Variants in SSBP1 observed in about 807,000 individuals in gnomAD.
SSBP1 encodes the protein single-stranded DNA-binding protein, mitochondrial.
Under a neutral mutation model 27.0 loss-of-function variants are expected in SSBP1, and 20 were observed. The ratio of observed to expected loss-of-function variants is 0.74; its 90% confidence interval spans 0.52 to 1.08. The LOEUF is 1.08. Ranked by LOEUF, SSBP1 falls within the 50% of genes least tolerant of loss-of-function variation. SSBP1 has a pLI of 0.00. For synonymous variants in SSBP1, 59 were observed against 59.3 expected (o/e 1.00, Z 0.02); for missense variants, 137 against 182.4 (o/e 0.75, Z 1.44).
chr7:141,745,517 G>A lies in SSBP1; in HGVS notation c.336G>A (p.Gly112=). Residue 112 remains glycine (G), a synonymous_variant, in exon 6 of 7, where the codon GGG becomes GGA. Coordinates refer to ENST00000265304, the MANE Select transcript of SSBP1 (RefSeq NM_003143.3). The stretch of plus-strand genomic sequence containing the variant: ...TCAGGTCTCGAATTTATTTGGAAGG[G>A]AAAATAGACTATGGTGAATACATGG... The part of the protein sequence containing the change: ...VKKGSRIYLE[G]KIDYGEYMDK... The A allele has an allele frequency of 6.2e-7, 1 of 1,602,934 alleles. No individual in the cohort carries two copies. The highest frequency in any genetic ancestry group is 8.5e-7 in the Non-Finnish European group (1 of 1,174,942).
chr7:141,744,139 C>A, intron 5 of SSBP1, 150 bp downstream of exon 5: 1 of 648,138 alleles, frequency 1.5e-6, no homozygotes. Context: ...GTCCTTGATA[C>A]TATATGCATG....
At chr7:141,749,626 A>G (rs1799896344) in intron 6 of SSBP1, among the ~76,000 whole-genome samples, 1 of 152,128 alleles carries the variant, frequency 6.6e-6, no homozygotes, top group Admixed American at 6.5e-5. Flanking sequence ...TATTAAAAAT[A>G]CAAAAGTTAG....
intron 6 of SSBP1, among the ~76,000 whole-genome samples, chr7:141,747,623 C>T (rs556332005): frequency 4.6e-5 from 7 of 151,602 alleles, no homozygotes; most frequent in Non-Finnish European, 1.0e-4. Context: ...CTCCTGACCT[C>T]GTGATCTGCC....
At chr7:141,740,042 C>T (rs923641951) in intron 2 of SSBP1, 5 of 152,096 alleles carry the variant, frequency 3.3e-5, no homozygotes, top group Non-Finnish European at 5.9e-5. Flanking sequence ...TAATCTTCTC[C>T]AGTAGATTTT....
chr7:141,746,467 C>T (rs1299840794), intron 6 of SSBP1: 1 of 152,332 alleles, frequency 6.6e-6, no homozygotes, highest in East Asian at 1.9e-4. Flanking sequence ...TCAGCCTTCT[C>T]CCAAGTAGCT....
chr7:141,749,686 G>A (rs1799898279), intron 6 of SSBP1, among the ~76,000 whole-genome samples: 10 of 152,164 alleles, frequency 6.6e-5, no homozygotes. Context: ...AGAGGCTGAG[G>A]CAGGAGAATC....
At position 141,750,312 on chromosome 7, in the gene SSBP1, T is replaced by C; in HGVS notation, c.405T>C (p.Asp135=). Residue 135 remains aspartate (D), a splice_region_variant and synonymous_variant, in exon 7 of 7, where the codon GAT becomes GAC. Coordinates refer to ENST00000265304, the MANE Select transcript of SSBP1 (RefSeq NM_003143.3). ...ATTTACATTTTGGCTTTTTTACAGA[T>C]AATATTATATTTCTGAGTGACCAGA... is the stretch of plus-strand genomic sequence containing the variant. ...VRRQATTIIA[D]NIIFLSDQTK... 1 of 1,591,794 alleles carries C rather than the reference T, an allele frequency of 6.3e-7. No individual in the cohort carries two copies. Among genetic ancestry groups the C allele is most frequent in the Non-Finnish European group, 8.5e-7 (1 of 1,172,042 alleles).
At chr7:141,740,913 C>T (rs1799502828) in intron 2 of SSBP1, 1 of 152,122 alleles carries the variant, frequency 6.6e-6, no homozygotes, top group Non-Finnish European at 1.5e-5. Context: ...TATTAGGTAT[C>T]CTAATTCCTT....
chr7:141,747,717 G>T (rs1799835112), intron 6 of SSBP1, among the ~76,000 whole-genome samples: 1 of 150,774 alleles, frequency 6.6e-6, no homozygotes, highest in Non-Finnish European at 1.5e-5. Flanking sequence ...TTGATTTTTG[G>T]GCTGGATGCA....
chr7:141,743,794 C>A, intron 4 of SSBP1, 93 bp downstream of exon 4: 1 of 1,537,782 alleles, frequency 6.5e-7, no homozygotes. Flanking sequence ...CCACTTTAAA[C>A]AAGATCTGTC....
intron 2 of SSBP1, chr7:141,739,497 C>CA (rs1038799783): frequency 1.8e-4 from 48 of 272,210 alleles, no homozygotes; most frequent in African/African-American, 8.5e-4. Flanking sequence ...CTGTAGGAAT[C>CA]ATTGTTCCAA....
chr7:141,738,888 T>C (rs564381841), intron 1 of SSBP1: 89 of 356,314 alleles, frequency 2.5e-4, no homozygotes, highest in Admixed American at 1.3e-3. Flanking sequence ...AGAATCAAAA[T>C]TTTGTCGATG....
chr7:141,739,296 C>A lies in SSBP1; in HGVS notation c.24+106C>A, dbSNP rs772557621. On this transcript the variant is annotated intron_variant, in intron 2 of 6. Coordinates refer to ENST00000265304, the MANE Select transcript of SSBP1 (RefSeq NM_003143.3). ...CAGGGGCAAAAGACCTTTGAGCTCA[C>A]CCACCCACCTCTATACTCATTTGAT... The A allele has an allele frequency of 4.8e-4, 401 of 836,564 alleles. 1 individual carries two copies. Among genetic ancestry groups the A allele is most frequent in the Non-Finnish European group, 6.7e-4 (372 of 556,568 alleles). The allele number at this position is 836,564 out of a possible 1,614,324, so 51.8% of individuals were successfully genotyped here.
At chr7:141,742,830 C>T (rs1799595471) in intron 3 of SSBP1, among the ~76,000 whole-genome samples, 1 of 152,178 alleles carries the variant, frequency 6.6e-6, no homozygotes, top group South Asian at 2.1e-4. Context: ...AGCATTTCTT[C>T]TGGACATTTC....
Position 141,750,375 on chromosome 7 carries a change from C to T in SSBP1, c.*21C>T. On this transcript the variant is annotated 3_prime_UTR_variant, in exon 7 of 7. Transcript: ENST00000265304. Reference sequence around the variant, plus strand: ...AGTAGAAAGGATGATTCTTCTTTGGCCATCATTTGGTACAGTCTCATTTCC... The same window carrying T: ...AGTAGAAAGGATGATTCTTCTTTGGTCATCATTTGGTACAGTCTCATTTCC... 1.9e-6 allele frequency: 3 copies of T among 1,586,846 alleles called. No homozygotes were observed. Among genetic ancestry groups the T allele is most frequent in the East Asian group, 2.3e-5 (1 of 44,042 alleles).
At chr7:141,744,673 A>T (rs569967466) in intron 5 of SSBP1, among the ~76,000 whole-genome samples, 1 of 152,348 alleles carries the variant, frequency 6.6e-6, no homozygotes, top group African/African-American at 2.4e-5. Flanking sequence ...TCTTTTCAAT[A>T]ACTGTATAGC....
In SSBP1 at chr7:141,743,619, G is replaced by A. The variant is rs748455345; in HGVS notation, c.144G>A (p.Val48=). The A allele has an allele frequency of 5.0e-6, 8 of 1,614,150 alleles. No individual in the cohort carries two copies. The South Asian group carries it at 7.7e-5, about 16-fold the overall frequency. The change falls in exon 4 of 7, where the codon GTG becomes GTA. Residue 48 remains valine (V), a synonymous_variant. Coordinates refer to ENST00000265304, the MANE Select transcript of SSBP1 (RefSeq NM_003143.3). ...RVGQDPVLRQ[V]EGKNPVTIFS... is the part of the protein sequence containing the mutation. ...GTCAGGACCCTGTCTTGAGACAGGT[G>A]GAAGGAAAAAATCCAGTCACAATAT...
At chr7:141,739,854 T>C (rs576184079) in intron 2 of SSBP1, 1 of 152,222 alleles carries the variant, frequency 6.6e-6, no homozygotes, top group Non-Finnish European at 1.5e-5. Flanking sequence ...ACCTTAATCC[T>C]ATATTCTTGG....
At chr7:141,741,895 A>C in intron 2 of SSBP1, 1 of 751,852 alleles carries the variant, frequency 1.3e-6, no homozygotes, top group Non-Finnish European at 1.8e-6. Flanking sequence ...ATAATCAAGG[A>C]GATGTCGCAA....
Sources: gnomAD v4.1 joint callset for allele counts (sites outside exome capture counted in the v4.1 genomes callset) on GRCh38, gnomAD v4.1.1 for gene constraint, MANE v1.5 for transcripts, NCBI Gene and HGNC (gene_info 2026-07-23, HGNC 2026-07-21) for gene names.